GRIK2: variants seen among roughly 807,000 people sequenced by gnomAD.
The protein encoded by GRIK2 is glutamate receptor ionotropic, kainate 2.
In GRIK2, 32 loss-of-function variants were observed where a neutral mutation model predicts 100.3. That is an observed-to-expected ratio of 0.32 (90% CI 0.24 to 0.43). The LOEUF is 0.43. GRIK2 is among the 20% of genes least tolerant of loss of function. The pLI is 1.00. For synonymous variants in GRIK2, 417 were observed against 389.4 expected, an observed-to-expected ratio of 1.07 and a Z score of -0.83; for missense variants, 843 against 1,114.9, an observed-to-expected ratio of 0.76 and a Z score of 3.47.
chr6:101,816,775 C>G (rs994361509), intron 9 of GRIK2, among the ~76,000 whole-genome samples: 1 of 151,998 alleles, frequency 6.6e-6, no homozygotes, highest in Admixed American at 6.6e-5. Flanking sequence ...TTTGACACCC[C>G]TCCATCCTTC....
chr6:101,899,109 T>G (rs954992360), intron 12 of GRIK2, among the ~76,000 whole-genome samples: 6 of 150,852 alleles, frequency 4.0e-5, no homozygotes, highest in African/African-American at 1.2e-4. Context: ...TTTGTTTTTT[T>G]TTTTTTTAAG....
Position 102,002,013 on chromosome 6 carries a change from A to G in GRIK2, c.2086-33328A>G, listed in dbSNP as rs533110394. Among the ~76,000 whole-genome samples the G allele has an allele frequency of 2.0e-4, 30 of 151,726 alleles. No individual in the cohort carries two copies. In the South Asian group the frequency reaches 6.0e-3, roughly 30 times the overall value. ...ATGCATATAAGTTTGTTGAGAGTGGATACCTAAAAAAAAGTGAACTTATCT... is the reference window on the plus strand; with the variant it reads ...ATGCATATAAGTTTGTTGAGAGTGGGTACCTAAAAAAAAGTGAACTTATCT... On this transcript the variant is annotated intron_variant, in intron 14 of 16. Transcript: ENST00000369134.
At chr6:101,576,314 G>A (rs925713518) in intron 2 of GRIK2, among the ~76,000 whole-genome samples, 1 of 151,998 alleles carries the variant, frequency 6.6e-6, no homozygotes, top group Non-Finnish European at 1.5e-5. Flanking sequence ...TTTTGAGCCT[G>A]AAAGAATTTT....
At chr6:101,610,096 AAAAT>A (rs1056334887) in intron 2 of GRIK2, among the ~76,000 whole-genome samples, 92 of 151,670 alleles carry the variant, frequency 6.1e-4, no homozygotes, top group African/African-American at 2.2e-3. Context: ...CATTTAAAAC[AAAAT>A]AAAATAATAA....
chr6:101,584,897 T>C (rs565079043), intron 2 of GRIK2, among the ~76,000 whole-genome samples: 28 of 152,046 alleles, frequency 1.8e-4, no homozygotes, highest in African/African-American at 6.5e-4. Context: ...AATCCTCTTT[T>C]ATGTAGTTAC....
At chr6:101,926,376 TTAG>T (rs1257957989) in intron 13 of GRIK2, among the ~76,000 whole-genome samples, 1 of 152,050 alleles carries the variant, frequency 6.6e-6, no homozygotes, top group East Asian at 1.9e-4. Flanking sequence ...CTGTTAATAA[TTAG>T]TAGTCTGGAG....
chr6:101,477,787 G>T (rs899734272), intron 2 of GRIK2, among the ~76,000 whole-genome samples: 4 of 152,166 alleles, frequency 2.6e-5, no homozygotes, highest in Non-Finnish European at 4.4e-5. Context: ...CTTTTAGAAA[G>T]AACTTCAAAT....
Position 101,761,353 on chromosome 6 carries a change from C to CTT in GRIK2, c.952-38287_952-38286dup, listed in dbSNP as rs533556023. 3.3e-3 allele frequency among the ~76,000 whole-genome samples: 498 copies of CTT among 151,520 alleles called. 4 individuals are homozygous for CTT. The highest frequency in any genetic ancestry group is 0.011 in the African/African-American group (463 of 41,308). ...CTCTAATGATTTTTAGTCATTTCTT[C>CTT]TTTTTTTTTCCCCATGCAGCTATTT... On this transcript the variant is annotated intron_variant, in intron 7 of 16. Coordinates refer to ENST00000369134, the MANE Select transcript of GRIK2 (RefSeq NM_021956.5).
intron 2 of GRIK2, among the ~76,000 whole-genome samples, chr6:101,493,584 A>G (rs2579942): frequency 0.61 from 91,807 of 151,688 alleles, 28,846 homozygotes; most frequent in African/African-American, 0.77. Context: ...ACTAATCAAT[A>G]AATCATCACT....
intron 2 of GRIK2, among the ~76,000 whole-genome samples, chr6:101,590,370 A>G (rs1778583980): frequency 6.6e-6 from 1 of 152,052 alleles, no homozygotes; most frequent in South Asian, 2.1e-4. Context: ...CTTCTCTTCC[A>G]AGTTCTGGTA....
intron 7 of GRIK2, among the ~76,000 whole-genome samples, chr6:101,734,984 T>C (rs1297736573): frequency 6.6e-6 from 1 of 151,940 alleles, no homozygotes; most frequent in African/African-American, 2.4e-5. Flanking sequence ...TGATTTGATA[T>C]GAGGAGAGAA....
At chr6:101,602,869 A>G (rs1779286181) in intron 2 of GRIK2, among the ~76,000 whole-genome samples, 1 of 151,728 alleles carries the variant, frequency 6.6e-6, no homozygotes, top group Non-Finnish European at 1.5e-5. Context: ...TTTTATTTGA[A>G]TTGTTGAGTG....
intron 6 of GRIK2, among the ~76,000 whole-genome samples, chr6:101,683,114 A>C (rs374052241): frequency 2.0e-5 from 3 of 151,938 alleles, no homozygotes; most frequent in African/African-American, 7.3e-5. Context: ...GAGACAGGAG[A>C]ATTGCTTGGA....
chr6:101,812,538 T>TATTTAC (rs200877523), intron 9 of GRIK2, among the ~76,000 whole-genome samples: 2,817 of 151,896 alleles, frequency 0.019, 102 homozygotes, highest in African/African-American at 0.065. Context: ...TTATTGGTTA[T>TATTTAC]ATAACCAGTA....
intron 2 of GRIK2, among the ~76,000 whole-genome samples, chr6:101,460,296 G>A (rs1352600022): frequency 6.6e-6 from 1 of 152,156 alleles, no homozygotes; most frequent in Non-Finnish European, 1.5e-5. Context: ...AAGGACAAAT[G>A]TTCAAAGGAG....
At chr6:101,775,590 TTTATAATAAACTATAAATTCATTTA>T (rs1469526569) in intron 7 of GRIK2, among the ~76,000 whole-genome samples, 5 of 151,310 alleles carry the variant, frequency 3.3e-5, no homozygotes, top group Non-Finnish European at 5.9e-5. Flanking sequence ...GTATAGTTTA[TTTATAATAAACTATAAATTCATTTA>T]GAAACAAGAC....
intron 2 of GRIK2, among the ~76,000 whole-genome samples, chr6:101,607,099 A>G (rs1779468419): frequency 6.6e-6 from 1 of 151,986 alleles, no homozygotes; most frequent in Non-Finnish European, 1.5e-5. Flanking sequence ...GCCTTCAACT[A>G]GGTCACACTA....
At chr6:101,496,257 C>T (rs2128270681) in intron 2 of GRIK2, among the ~76,000 whole-genome samples, 1 of 151,588 alleles carries the variant, frequency 6.6e-6, no homozygotes, top group East Asian at 1.9e-4. Flanking sequence ...CTGGACTTTT[C>T]CTAAAGAAAA....
intron 4 of GRIK2, 130 bp from the exon 5 acceptor site, chr6:101,676,493 C>G (rs1401816684): frequency 7.0e-6 from 4 of 571,896 alleles, no homozygotes; most frequent in Non-Finnish European, 1.2e-5. Flanking sequence ...AATATACAAA[C>G]CTATGTAACC....
Sources: gnomAD v4.1 joint callset for allele counts (sites outside exome capture counted in the v4.1 genomes callset) on GRCh38, gnomAD v4.1.1 for gene constraint, MANE v1.5 for transcripts, NCBI Gene and HGNC (gene_info 2026-07-23, HGNC 2026-07-21) for gene names.